Variants in CSMD1 observed in about 807,000 individuals in gnomAD.
CSMD1 encodes CUB and Sushi multiple domains 1.
A neutral mutation model predicts 417.5 loss-of-function variants in CSMD1; 213 were observed. The ratio of observed to expected loss-of-function variants is 0.51; its 90% CI spans 0.46 to 0.57. The LOEUF is 0.57. CSMD1 is among the 20% of genes least tolerant of loss of function. CSMD1 has a pLI of 0.00. For synonymous variants in CSMD1, 2,862 were observed against 1,736.8 expected, an observed-to-expected ratio of 1.65 and a Z score of -16.11; for missense variants, 6,923 against 4,529.7, an observed-to-expected ratio of 1.53 and a Z score of -15.17.
intron 5 of CSMD1, among the ~76,000 whole-genome samples, chr8:3,969,418 C>A (rs1464497355): frequency 6.6e-6 from 1 of 152,164 alleles, no homozygotes; most frequent in African/African-American, 2.4e-5. Context: ...CTCTTCCATG[C>A]AGCAGCCTGG....
At chr8:4,812,308 T>C (rs1798953382) in intron 1 of CSMD1, among the ~76,000 whole-genome samples, 1 of 152,194 alleles carries the variant, frequency 6.6e-6, no homozygotes, top group Non-Finnish European at 1.5e-5. Context: ...CAGTTTGGGA[T>C]AGTGGCTGCT....
intron 1 of CSMD1, among the ~76,000 whole-genome samples, chr8:4,783,545 C>T (rs1797260161): frequency 6.6e-6 from 1 of 152,188 alleles, no homozygotes; most frequent in South Asian, 2.1e-4. Flanking sequence ...ACATGGCTTT[C>T]CCTGGTTCTA....
chr8:4,319,260 TC>T (rs1362340570), intron 3 of CSMD1, among the ~76,000 whole-genome samples: 1 of 152,154 alleles, frequency 6.6e-6, no homozygotes, highest in Non-Finnish European at 1.5e-5. Context: ...TTGCTTTCCT[TC>T]AATTTATCTT....
At chr8:3,517,589 A>C (rs1233165429) in intron 10 of CSMD1, among the ~76,000 whole-genome samples, 1 of 152,200 alleles carries the variant, frequency 6.6e-6, no homozygotes, top group Non-Finnish European at 1.5e-5. Context: ...TGCAATACCA[A>C]ATACAGGCTG....
At chr8:4,450,482 A>T (rs920309398) in intron 2 of CSMD1, among the ~76,000 whole-genome samples, 10 of 152,072 alleles carry the variant, frequency 6.6e-5, no homozygotes, top group Non-Finnish European at 1.3e-4. Flanking sequence ...AAAATTGACA[A>T]AAATTATCTG....
intron 26 of CSMD1, among the ~76,000 whole-genome samples, chr8:3,249,678 A>G (rs1350374538): frequency 6.6e-6 from 1 of 152,218 alleles, no homozygotes; most frequent in African/African-American, 2.4e-5. Context: ...TCAAACATGT[A>G]ATGTAAATTT....
chr8:4,136,302 C>T (rs117255531), intron 3 of CSMD1, among the ~76,000 whole-genome samples: 2 of 152,136 alleles, frequency 1.3e-5, no homozygotes, highest in East Asian at 1.9e-4. Context: ...CTTTTTTTAG[C>T]TTCCAGATTT....
intron 2 of CSMD1, among the ~76,000 whole-genome samples, chr8:4,624,584 G>A (rs1013537676): frequency 1.3e-5 from 2 of 152,178 alleles, no homozygotes; most frequent in African/African-American, 4.8e-5. Context: ...TGCTGCTGAT[G>A]AACAATGGAA....
intron 25 of CSMD1, among the ~76,000 whole-genome samples, chr8:3,288,512 C>T (rs1437649973): frequency 6.8e-6 from 1 of 147,096 alleles, no homozygotes; most frequent in East Asian, 2.0e-4. Flanking sequence ...TCAACTTCTT[C>T]CTGGTTTAGT....
chr8:3,755,251 A>G (rs1797592825), intron 5 of CSMD1, among the ~76,000 whole-genome samples: 1 of 152,182 alleles, frequency 6.6e-6, no homozygotes, highest in Non-Finnish European at 1.5e-5. Context: ...TGCTAGGTGA[A>G]GCAACATAGG....
At chr8:4,666,227 T>C (rs1454052791) in intron 1 of CSMD1, among the ~76,000 whole-genome samples, 1 of 152,148 alleles carries the variant, frequency 6.6e-6, no homozygotes, top group Non-Finnish European at 1.5e-5. Flanking sequence ...TATTATTTAA[T>C]GTGGTGGAGG....
intron 27 of CSMD1, among the ~76,000 whole-genome samples, chr8:3,227,926 C>T (rs1282576272): frequency 6.6e-6 from 1 of 151,944 alleles, no homozygotes. Flanking sequence ...CACCACCACC[C>T]CTGGCCAATG....
At chr8:3,226,829 AAG>A (rs1253009437) in intron 27 of CSMD1, among the ~76,000 whole-genome samples, 1 of 152,146 alleles carries the variant, frequency 6.6e-6, no homozygotes, top group Non-Finnish European at 1.5e-5. Context: ...AAGGGAAAGA[AAG>A]AGAGAGAGCC....
intron 5 of CSMD1, among the ~76,000 whole-genome samples, chr8:3,909,435 A>C (rs994098306): frequency 1.2e-4 from 19 of 152,140 alleles, no homozygotes; most frequent in Non-Finnish European, 2.5e-4. Context: ...GGATACGCAG[A>C]AAAAGGCAGA....
chr8:4,405,909 C>T (rs944628508), intron 3 of CSMD1, among the ~76,000 whole-genome samples: 1 of 152,166 alleles, frequency 6.6e-6, no homozygotes, highest in African/African-American at 2.4e-5. Context: ...ATATTTGCTC[C>T]AAGGAGCATC....
intron 2 of CSMD1, among the ~76,000 whole-genome samples, chr8:4,578,079 C>A (rs1387776539): frequency 1.3e-5 from 2 of 152,130 alleles, no homozygotes; most frequent in Admixed American, 6.5e-5. Context: ...TGCAAGTGCA[C>A]CCGAGTTAGC....
chr8:3,862,008 C>G (rs1014632771), intron 5 of CSMD1, among the ~76,000 whole-genome samples: 4 of 152,176 alleles, frequency 2.6e-5, no homozygotes, highest in Non-Finnish European at 4.4e-5. Flanking sequence ...ACATCTAAAA[C>G]CAACACAATC....
intron 41 of CSMD1, among the ~76,000 whole-genome samples, chr8:3,142,262 C>A (rs1471471646): frequency 6.6e-6 from 1 of 152,170 alleles, no homozygotes; most frequent in East Asian, 1.9e-4. Flanking sequence ...AAAAGGCGAA[C>A]CCACTGGTGG....
chr8:4,536,714 G>T (rs1797120158), intron 2 of CSMD1, among the ~76,000 whole-genome samples: 1 of 152,002 alleles, frequency 6.6e-6, no homozygotes, highest in Non-Finnish European at 1.5e-5. Context: ...AAAGTTTTGA[G>T]TATATGCCAC....
Sources: allele counts gnomAD v4.1 joint callset (sites outside exome capture counted in the v4.1 genomes callset), GRCh38; gene constraint gnomAD v4.1.1; transcripts MANE v1.5; gene names NCBI Gene and HGNC (gene_info 2026-07-23, HGNC 2026-07-21).